The following PTPRD variants were observed in gnomAD, a reference collection of about 807,000 sequenced individuals.
PTPRD encodes the protein protein tyrosine phosphatase receptor type D.
PTPRD carries 34 observed loss-of-function variants against 214.5 expected under a neutral mutation model. That is an observed-to-expected ratio of 0.16 (90% confidence interval 0.12 to 0.21). PTPRD has a LOEUF of 0.21. Among genes scored for constraint, PTPRD ranks in the 10% least tolerant of loss-of-function variants. The pLI is 1.00. For missense variants in PTPRD, 2,545 were observed against 2,398.7 expected, an observed-to-expected ratio of 1.06 and a Z score of -1.27; for synonymous variants, 1,128 against 845.7, an observed-to-expected ratio of 1.33 and a Z score of -5.79.
intron 10 of PTPRD, among the ~76,000 whole-genome samples, chr9:9,072,698 T>C (rs1054025201): frequency 6.6e-6 from 1 of 152,202 alleles, no homozygotes; most frequent in African/African-American, 2.4e-5. Context: ...ATGATAATCG[T>C]CATTTTGCAC....
intron 8 of PTPRD, among the ~76,000 whole-genome samples, chr9:9,428,727 C>T (rs993406636): frequency 2.0e-5 from 3 of 152,136 alleles, no homozygotes; most frequent in Admixed American, 2.0e-4. Context: ...TGCAATCAAA[C>T]TAGAACTCAG....
intron 4 of PTPRD, among the ~76,000 whole-genome samples, chr9:9,954,787 G>T (rs180990058): frequency 2.0e-4 from 31 of 152,096 alleles, no homozygotes; most frequent in Non-Finnish European, 2.8e-4. Context: ...TACAGTAATA[G>T]ATACAAGTAA....
At chr9:10,370,670 A>G (rs2154477318) in intron 2 of PTPRD, among the ~76,000 whole-genome samples, 1 of 152,222 alleles carries the variant, frequency 6.6e-6, no homozygotes, top group Admixed American at 6.6e-5. Context: ...ATCTTCAAAA[A>G]TATACCATGC....
intron 14 of PTPRD, among the ~76,000 whole-genome samples, chr9:8,532,436 T>C (rs2075952224): frequency 6.6e-6 from 1 of 152,018 alleles, no homozygotes; most frequent in African/African-American, 2.4e-5. Context: ...CTCAAATGTG[T>C]GGTACCAGGA....
At chr9:9,902,344 T>C (rs1286608681) in intron 5 of PTPRD, among the ~76,000 whole-genome samples, 1 of 152,192 alleles carries the variant, frequency 6.6e-6, no homozygotes, top group Admixed American at 6.5e-5. Context: ...AAATGAAGAA[T>C]TTTAGTTTCC....
intron 14 of PTPRD, among the ~76,000 whole-genome samples, chr9:8,542,676 G>C (rs1245282865): frequency 6.6e-6 from 1 of 152,250 alleles, no homozygotes; most frequent in African/African-American, 2.4e-5. Context: ...GCAAGTGTCT[G>C]TCAGTTGAAC....
intron 11 of PTPRD, among the ~76,000 whole-genome samples, chr9:8,963,309 C>T (rs1010565162): frequency 1.3e-4 from 20 of 152,098 alleles, no homozygotes; most frequent in African/African-American, 4.8e-4. Flanking sequence ...GGAAGTAATA[C>T]ATGGGAGGAT....
chr9:8,517,133 T>G (rs1327962367), intron 21 of PTPRD, among the ~76,000 whole-genome samples: 1 of 152,114 alleles, frequency 6.6e-6, no homozygotes, highest in Non-Finnish European at 1.5e-5. Context: ...AGAGGCCTGT[T>G]ATTTTATATT....
intron 2 of PTPRD, among the ~76,000 whole-genome samples, chr9:10,599,711 T>A (rs1483543214): frequency 6.6e-6 from 1 of 151,838 alleles, no homozygotes; most frequent in East Asian, 1.9e-4. Context: ...AACTCAATTT[T>A]AAGATTTTAC....
intron 2 of PTPRD, among the ~76,000 whole-genome samples, chr9:10,608,931 C>T (rs1057372723): frequency 6.6e-6 from 1 of 151,978 alleles, no homozygotes; most frequent in Non-Finnish European, 1.5e-5. Context: ...AAAAATAAAA[C>T]AGTGAACCGA....
chr9:10,543,167 A>G (rs2059492804), intron 2 of PTPRD, among the ~76,000 whole-genome samples: 1 of 152,044 alleles, frequency 6.6e-6, no homozygotes, highest in Non-Finnish European at 1.5e-5. Flanking sequence ...TTACAGGTGC[A>G]AGCCACCACG....
chr9:9,466,399 T>C (rs546148208), intron 8 of PTPRD, among the ~76,000 whole-genome samples: 5 of 152,330 alleles, frequency 3.3e-5, no homozygotes, highest in African/African-American at 1.2e-4. Flanking sequence ...AATCATATAC[T>C]ATACAATTCA....
In PTPRD at chr9:10,482,893, A is replaced by G. The variant is rs79598857; in HGVS notation, c.-600+129505T>C. ...AATTGACAGATTGAATGCAATCCCT[A>G]TTACAATAACAACATGATTCTTTAC... is the stretch of plus-strand genomic sequence containing the variant. On this transcript the variant is annotated intron_variant, in intron 2 of 45. Coordinates refer to ENST00000381196, the MANE Select transcript of PTPRD (RefSeq NM_002839.4). 8.8e-3 allele frequency among the ~76,000 whole-genome samples: 1,347 copies of G among 152,324 alleles called. 80 individuals carry two copies. The East Asian group carries it at 0.16, about 18-fold the overall frequency.
chr9:9,764,733 T>A (rs2098692208), intron 6 of PTPRD, among the ~76,000 whole-genome samples: 1 of 152,176 alleles, frequency 6.6e-6, no homozygotes. Flanking sequence ...ATATCTTAGG[T>A]AGCTTCTCCA....
intron 39 of PTPRD, among the ~76,000 whole-genome samples, chr9:8,352,356 T>C (rs1488622889): frequency 3.9e-5 from 6 of 152,200 alleles, no homozygotes; most frequent in African/African-American, 1.2e-4. Context: ...TGAATCTGAA[T>C]AGAGGTCAAT....
At chr9:10,000,577 G>A (rs1365847196) in intron 4 of PTPRD, among the ~76,000 whole-genome samples, 3 of 152,136 alleles carry the variant, frequency 2.0e-5, no homozygotes, top group Admixed American at 6.5e-5. Context: ...CTTGAGGGGG[G>A]AATAATACAG....
chr9:9,108,025 A>G (rs1425877120), intron 10 of PTPRD, among the ~76,000 whole-genome samples: 2 of 152,118 alleles, frequency 1.3e-5, no homozygotes, highest in East Asian at 3.9e-4. Flanking sequence ...TAATGTTGCC[A>G]TGCTTCTTCC....
chr9:10,251,873 G>T (rs1449996488), intron 3 of PTPRD, among the ~76,000 whole-genome samples: 1 of 152,106 alleles, frequency 6.6e-6, no homozygotes, highest in Non-Finnish European at 1.5e-5. Flanking sequence ...AGGGAAAGGG[G>T]AAATGTTGGT....
intron 14 of PTPRD, among the ~76,000 whole-genome samples, chr9:8,620,693 G>C (rs1410121110): frequency 2.0e-5 from 3 of 151,964 alleles, no homozygotes; most frequent in African/African-American, 4.8e-5. Flanking sequence ...TGTACTGCCT[G>C]TGTAGTATTG....
Sources: allele counts gnomAD v4.1 joint callset (sites outside exome capture counted in the v4.1 genomes callset), GRCh38; gene constraint gnomAD v4.1.1; transcripts MANE v1.5; gene names NCBI Gene and HGNC (gene_info 2026-07-23, HGNC 2026-07-21).